Variants in ACOT13 observed in about 807,000 individuals in gnomAD.
ACOT13 encodes acyl-CoA thioesterase 13.
In ACOT13, 10 loss-of-function variants were observed where a neutral mutation model predicts 11.8. The ratio of observed to expected loss-of-function variants is 0.85; its 90% CI spans 0.53 to 1.44. ACOT13 has a LOEUF of 1.44. Ranked by LOEUF, ACOT13 falls within the 40% of genes most tolerant of loss-of-function variation. ACOT13 has a pLI of 0.00. For missense variants in ACOT13, 172 were observed against 174.1 expected, an observed-to-expected ratio of 0.99 and a Z score of 0.07; for synonymous variants, 53 against 61.0, an observed-to-expected ratio of 0.87 and a Z score of 0.61.
At chr6:24,682,336 G>T (rs974136649) in intron 1 of ACOT13, among the ~76,000 whole-genome samples, 13 of 152,148 alleles carry the variant, frequency 8.5e-5, no homozygotes, top group Non-Finnish European at 1.2e-4. Context: ...AGATGGTTGT[G>T]GGCCACTTCC....
At chr6:24,691,312 T>C (rs1778714181) in intron 1 of ACOT13, among the ~76,000 whole-genome samples, 1 of 152,216 alleles carries the variant, frequency 6.6e-6, no homozygotes, top group African/African-American at 2.4e-5. Flanking sequence ...TTTAGGAATG[T>C]ATTTAGCTAC....
At chr6:24,701,118 A>G (rs1778885315) in intron 2 of ACOT13, 1 of 173,674 alleles carries the variant, frequency 5.8e-6, no homozygotes, top group South Asian at 1.7e-4. Context: ...ACACCAAGTG[A>G]TATTTCATCT....
In ACOT13 at chr6:24,667,277, C is replaced by T. The variant is rs773989558; in HGVS notation, c.14C>T (p.Thr5Ile). ...AAACCGTCCACGATGACCAGCATGA[C>T]TCAGTCTCTGCGGGAGGTGATAAAG... MTSM[T>I]QSLREVIKAM... Residue 5 changes from threonine to isoleucine, a missense_variant, in exon 1 of 3, where the codon ACT becomes ATT. Transcript: ENST00000230048. 3.7e-6 allele frequency: 6 copies of T among 1,614,158 alleles called. No individual in the cohort carries two copies. Among genetic ancestry groups the T allele is most frequent in the African/African-American group, 1.3e-5 (1 of 75,056 alleles).
intron 1 of ACOT13, among the ~76,000 whole-genome samples, chr6:24,686,849 G>A (rs1778639544): frequency 6.6e-6 from 1 of 151,992 alleles, no homozygotes; most frequent in Non-Finnish European, 1.5e-5. Context: ...CCACAGGGGC[G>A]TGCCACCATC....
chr6:24,701,695 A>ATAAAC lies in ACOT13; in HGVS notation c.*83_*87dup, dbSNP rs1778895717. On this transcript the variant is annotated 3_prime_UTR_variant, in exon 3 of 3. Transcript: ENST00000230048. Reference sequence around the variant, plus strand: ...GACTCAAACAATTGTAATTTTTGAAATAAACTAGCAAAACCAGAAGCAGCT... The same window carrying ATAAAC: ...GACTCAAACAATTGTAATTTTTGAAATAAACTAAACTAGCAAAACCAGAAGCAGCT... The ATAAAC allele has an allele frequency of 7.2e-7, 1 of 1,389,536 alleles. No individual in the cohort carries two copies. Among genetic ancestry groups the ATAAAC allele is most frequent in the African/African-American group, 1.5e-5 (1 of 68,692 alleles). 86.1% of individuals were successfully genotyped at this position (1,389,536 alleles called of 1,614,324 possible).
chr6:24,694,122 T>C (rs1159707626), intron 1 of ACOT13, among the ~76,000 whole-genome samples: 1 of 152,218 alleles, frequency 6.6e-6, no homozygotes, highest in Non-Finnish European at 1.5e-5. Context: ...AGAATTGTTA[T>C]GATATACTGA....
chr6:24,674,888 C>A (rs1397569150), intron 1 of ACOT13, among the ~76,000 whole-genome samples: 1 of 130,564 alleles, frequency 7.7e-6, no homozygotes, highest in Non-Finnish European at 1.6e-5. Context: ...CCCCTCCCCC[C>A]ACCCCACGAC....
Position 24,701,609 on chromosome 6 carries a change from A to G in ACOT13, c.417A>G (p.Gly139=), listed in dbSNP as rs1398749410. 1 of 1,609,542 alleles carries G rather than the reference A, an allele frequency of 6.2e-7. No homozygotes were observed. Among genetic ancestry groups the G allele is most frequent in the Non-Finnish European group, 8.5e-7 (1 of 1,177,398 alleles). Residue 139 remains glycine (G), a synonymous_variant, in exon 3 of 3, where the codon GGA becomes GGG. Transcript: ENST00000230048. ...IAQGRHTKHL[G]N is the part of the protein sequence containing the mutation. ...AAGGAAGACACACAAAACACCTGGG[A>G]AACTGAGAGAACAGCAGAATGACCT...
At chr6:24,701,418 G>A in intron 2 of ACOT13, 41 bp from the exon 3 acceptor site, 1 of 1,565,566 alleles carries the variant, frequency 6.4e-7, no homozygotes, top group Non-Finnish European at 8.7e-7. Flanking sequence ...CTTTCCCTTT[G>A]AAAAATTATC....
intron 1 of ACOT13, among the ~76,000 whole-genome samples, chr6:24,687,920 C>T (rs1216732989): frequency 1.3e-5 from 2 of 151,650 alleles, no homozygotes; most frequent in Non-Finnish European, 2.9e-5. Flanking sequence ...ACCGTATTGG[C>T]GAGGCTGGTC....
intron 1 of ACOT13, among the ~76,000 whole-genome samples, chr6:24,686,547 C>T (rs1484494502): frequency 1.3e-5 from 2 of 151,736 alleles, no homozygotes; most frequent in Admixed American, 1.3e-4. Flanking sequence ...TTTTTCTTTT[C>T]TTTTCTATTT....
At position 24,667,305 on chromosome 6, in the gene ACOT13, C is replaced by T. The variant is rs760208273; in HGVS notation, c.42C>T (p.Ala14=). The part of the protein sequence containing the change: ...MTQSLREVIK[A]MTKARNFERV... ...AGTCTCTGCGGGAGGTGATAAAGGC[C>T]ATGACCAAGGCTCGCAATTTTGAGA... Residue 14 remains alanine, a synonymous_variant, in exon 1 of 3, where the codon GCC becomes GCT. Transcript: ENST00000230048. 14 of 1,614,190 alleles carry T rather than the reference C, an allele frequency of 8.7e-6. No homozygotes were observed. The East Asian group carries it at 2.7e-4, about 31-fold the overall frequency.
chr6:24,700,392 G>C (rs1010809316), intron 2 of ACOT13, among the ~76,000 whole-genome samples: 1 of 143,544 alleles, frequency 7.0e-6, no homozygotes, highest in Admixed American at 7.0e-5. Flanking sequence ...GTGAATTAAA[G>C]ACAAGCCTGT....
intron 1 of ACOT13, among the ~76,000 whole-genome samples, chr6:24,686,866 T>A (rs931103479): frequency 2.0e-5 from 3 of 152,134 alleles, no homozygotes; most frequent in Admixed American, 2.0e-4. Context: ...CATCTCCAGC[T>A]AATTTTTAAA....
At chr6:24,688,574 A>G (rs955877980) in intron 1 of ACOT13, among the ~76,000 whole-genome samples, 4 of 151,994 alleles carry the variant, frequency 2.6e-5, no homozygotes, top group Non-Finnish European at 5.9e-5. Context: ...GTGAGGGGAA[A>G]TAACCTAAAT....
At chr6:24,667,448 T>C in intron 1 of ACOT13, 104 bp downstream of exon 1, 1 of 1,034,388 alleles carries the variant, frequency 9.7e-7, no homozygotes, top group Non-Finnish European at 1.5e-6. Flanking sequence ...TGTTAGGTTG[T>C]GTTCTAGTAC....
chr6:24,687,182 C>T lies in ACOT13; in HGVS notation c.82-10701C>T, dbSNP rs201143800. On this transcript the variant is annotated intron_variant, in intron 1 of 2. Coordinates refer to ENST00000230048, the MANE Select transcript of ACOT13 (RefSeq NM_018473.4). ...GTCTTTCCATCTTGCAAAACTGGAA[C>T]TACGACCCATTAAACAATAACTCTC... 9.2e-5 allele frequency among the ~76,000 whole-genome samples: 14 copies of T among 152,318 alleles called. No individual in the cohort carries two copies. In the East Asian group the frequency reaches 2.1e-3, roughly 23 times the overall value.
chr6:24,682,888 A>C (rs1021532356), intron 1 of ACOT13, among the ~76,000 whole-genome samples: 4 of 152,174 alleles, frequency 2.6e-5, no homozygotes, highest in African/African-American at 9.7e-5. Flanking sequence ...TTGTATCCCG[A>C]TCCTTGTCCC....
intron 2 of ACOT13, among the ~76,000 whole-genome samples, chr6:24,700,677 C>G (rs988219647): frequency 3.3e-5 from 5 of 152,090 alleles, no homozygotes. Context: ...CTCAGGTGAT[C>G]TGCCCACCTC....
Sources: gnomAD v4.1 joint callset for allele counts (sites outside exome capture counted in the v4.1 genomes callset) on GRCh38, gnomAD v4.1.1 for gene constraint, MANE v1.5 for transcripts, NCBI Gene and HGNC (gene_info 2026-07-23, HGNC 2026-07-21) for gene names.